GLRA2: variants seen among roughly 807,000 people sequenced by gnomAD.
GLRA2 encodes the protein glycine receptor subunit alpha-2.
Under a neutral mutation model 31.6 loss-of-function variants are expected in GLRA2, and 11 were observed. The ratio of observed to expected loss-of-function variants is 0.35; its 90% CI spans 0.22 to 0.58. GLRA2 has a LOEUF of 0.58. Ranked by LOEUF, GLRA2 falls within the 20% of genes least tolerant of loss-of-function variation. GLRA2 has a pLI of 0.84. For synonymous variants in GLRA2, 132 were observed against 134.0 expected, an observed-to-expected ratio of 0.99 and a Z score of 0.10; for missense variants, 212 against 351.8, an observed-to-expected ratio of 0.60 and a Z score of 3.18.
chrX:14,457,759 C>G, the GLRA2 span, among the ~76,000 whole-genome samples: 2 of 111,266 alleles, frequency 1.8e-5, no homozygotes, highest in African/African-American at 3.3e-5. Flanking sequence ...GTTCTAGATC[C>G]TTGAGGAATC....
In GLRA2 at chrX:14,700,255, C is replaced by T. The variant is rs189227640; in HGVS notation, c.1080+9396C>T. On this transcript the variant is annotated intron_variant, in intron 8 of 8. Transcript: ENST00000218075. ...AGCTATGGAAGTGGATAAGATTACC[C>T]AGCAGGAGTGTACAGAGTGAGAAGA... is the stretch of plus-strand genomic sequence containing the variant. Among the ~76,000 whole-genome samples the T allele has an allele frequency of 5.4e-5, 6 of 110,741 alleles. No individual in the cohort carries two copies. In the East Asian group the frequency reaches 1.1e-3, roughly 21 times the overall value.
intron 7 of GLRA2, among the ~76,000 whole-genome samples, chrX:14,639,413 A>G (rs73635049): frequency 0.065 from 7,301 of 112,202 alleles, 280 homozygotes; most frequent in African/African-American, 0.13. Flanking sequence ...GAATTTCCCA[A>G]TGGAGGAAAT....
chrX:14,686,007 TTG>T (rs2091272960), intron 7 of GLRA2, among the ~76,000 whole-genome samples: 2 of 112,114 alleles, frequency 1.8e-5, no homozygotes, highest in Non-Finnish European at 3.8e-5. Flanking sequence ...TTCTGGTATG[TTG>T]TGTCTTTGTT....
chrX:14,478,911 A>T, the GLRA2 span, among the ~76,000 whole-genome samples: 1 of 112,048 alleles, frequency 8.9e-6, no homozygotes, highest in Non-Finnish European at 1.9e-5. Flanking sequence ...ATTATTTGGA[A>T]TTGGTTCTGT....
intron 4 of GLRA2, among the ~76,000 whole-genome samples, chrX:14,602,980 T>C (rs899088425): frequency 7.2e-5 from 8 of 111,672 alleles, no homozygotes; most frequent in Non-Finnish European, 1.5e-4. Flanking sequence ...AGTTCTACTT[T>C]TCTTTCTTTA....
rs1041866876 is a variant in GLRA2 at position 14,625,946 on chromosome X, A to G, written c.930+16741A>G. Among the ~76,000 whole-genome samples, 5 of 112,140 alleles carry G rather than the reference A, an allele frequency of 4.5e-5. No individual in the cohort carries two copies. The Admixed American group carries it at 4.7e-4, about 11-fold the overall frequency. On this transcript the variant is annotated intron_variant, in intron 7 of 8. Coordinates refer to ENST00000218075, the MANE Select transcript of GLRA2 (RefSeq NM_002063.4). ...GGTTAAATACCTTGCTCAAGGTCAT[A>G]CAGAGCTAGACCTTAAACTAGAGCT...
At chrX:14,452,173 A>AT in the GLRA2 span, among the ~76,000 whole-genome samples, 1 of 111,170 alleles carries the variant, frequency 9.0e-6, no homozygotes, top group Non-Finnish European at 1.9e-5. Flanking sequence ...CAAAGCTTAC[A>AT]TTTTTTTAAA....
At chrX:14,460,376 G>T in the GLRA2 span, among the ~76,000 whole-genome samples, 1 of 111,825 alleles carries the variant, frequency 8.9e-6, no homozygotes, top group Non-Finnish European at 1.9e-5. Flanking sequence ...TCAGGATGAT[G>T]CTGGCCACAT....
Position 14,708,387 on chromosome X carries a change from ACAGTAGGAGGGGT to A in GLRA2, c.1080+17531_1080+17543del, listed in dbSNP as rs780795381. On this transcript the variant is annotated intron_variant, in intron 8 of 8. Coordinates refer to ENST00000218075, the MANE Select transcript of GLRA2 (RefSeq NM_002063.4). ...ATACCCTCAAGAGGCAGTCACAGAC[ACAGTAGGAGGGGT>A]CATTTGGTTGCCATGATGACAGGGA... Among the ~76,000 whole-genome samples the A allele has an allele frequency of 1.3e-4, 15 of 111,716 alleles. No homozygotes were observed. The East Asian group carries it at 4.2e-3, about 32-fold the overall frequency.
intron 7 of GLRA2, among the ~76,000 whole-genome samples, chrX:14,661,766 G>C (rs2090992691): frequency 9.3e-6 from 1 of 107,229 alleles, no homozygotes; most frequent in Admixed American, 1.0e-4. Flanking sequence ...CTAGCTACTC[G>C]GGAGGCTGAG....
At chrX:14,471,725 C>T in the GLRA2 span, among the ~76,000 whole-genome samples, 1 of 112,192 alleles carries the variant, frequency 8.9e-6, no homozygotes, top group African/African-American at 3.2e-5. Flanking sequence ...TAATTTGATT[C>T]ACTGGAAGAT....
the GLRA2 span, among the ~76,000 whole-genome samples, chrX:14,505,177 T>C: frequency 9.0e-6 from 1 of 111,597 alleles, no homozygotes; most frequent in East Asian, 2.8e-4. Context: ...GAAACAGAAA[T>C]TAGGAAGCCA....
At chrX:14,557,102 CTTTTTTTTTTTTTTTTTT>C (rs58282642) in intron 2 of GLRA2, among the ~76,000 whole-genome samples, 2 of 46,341 alleles carry the variant, frequency 4.3e-5, no homozygotes, top group Non-Finnish European at 7.0e-5. Context: ...TAAAGTATTT[CTTTTTTTTTTTTTTTTTT>C]TTTTTTTTTT....
At chrX:14,579,920 C>G (rs2089997787) in intron 3 of GLRA2, among the ~76,000 whole-genome samples, 1 of 111,701 alleles carries the variant, frequency 9.0e-6, no homozygotes, top group Non-Finnish European at 1.9e-5. Flanking sequence ...AAAAGAAAAA[C>G]AAAAACAAAA....
chrX:14,622,901 T>A (rs2090538991), intron 7 of GLRA2, among the ~76,000 whole-genome samples: 1 of 112,081 alleles, frequency 8.9e-6, no homozygotes, highest in Non-Finnish European at 1.9e-5. Context: ...CATTGGTAGC[T>A]TGAAGGGGAT....
At chrX:14,520,302 A>T in the GLRA2 span, among the ~76,000 whole-genome samples, 2 of 112,634 alleles carry the variant, frequency 1.8e-5, no homozygotes, top group Non-Finnish European at 3.7e-5. Context: ...GTGCTACTGC[A>T]ACAATCAATC....
the GLRA2 span, among the ~76,000 whole-genome samples, chrX:14,455,069 A>T: frequency 9.0e-6 from 1 of 111,707 alleles, no homozygotes; most frequent in Non-Finnish European, 1.9e-5. Flanking sequence ...GTGATTTGCC[A>T]TCCCTGTTGC....
At chrX:14,460,380 GC>G in the GLRA2 span, among the ~76,000 whole-genome samples, 1 of 111,766 alleles carries the variant, frequency 8.9e-6, no homozygotes, top group Non-Finnish European at 1.9e-5. Flanking sequence ...GATGATGCTG[GC>G]CACATAAAAT....
intron 7 of GLRA2, among the ~76,000 whole-genome samples, chrX:14,616,161 C>A (rs1461621820): frequency 8.9e-6 from 1 of 111,932 alleles, no homozygotes; most frequent in African/African-American, 3.2e-5. Context: ...ATCAGGCAGG[C>A]TTTGCACATG....
Sources: gnomAD v4.1 joint callset for allele counts (sites outside exome capture counted in the v4.1 genomes callset) on GRCh38, gnomAD v4.1.1 for gene constraint, MANE v1.5 for transcripts, NCBI Gene and HGNC (gene_info 2026-07-23, HGNC 2026-07-21) for gene names.